The following MTHFD1L variants were observed in gnomAD, a reference collection of about 807,000 sequenced individuals.
MTHFD1L encodes methylenetetrahydrofolate dehydrogenase (NADP+ dependent) 1 like, also known as monofunctional C1-tetrahydrofolate synthase, mitochondrial.
Under a neutral mutation model 119.5 loss-of-function variants are expected in MTHFD1L, and 81 were observed. The ratio of observed to expected loss-of-function variants is 0.68; its 90% CI spans 0.57 to 0.82. The LOEUF (loss-of-function observed/expected upper bound fraction) is 0.82, where lower values mean the gene tolerates loss of function less well. Ranked by LOEUF, MTHFD1L falls within the 40% of genes least tolerant of loss-of-function variation. The pLI is 0.00. For synonymous variants in MTHFD1L, 430 were observed against 475.2 expected (o/e 0.90, Z 1.24); for missense variants, 1,125 against 1,253.4 (o/e 0.90, Z 1.55).
chr6:150,923,189 G>A (rs571086705), intron 10 of MTHFD1L, among the ~76,000 whole-genome samples: 2 of 152,232 alleles, frequency 1.3e-5, no homozygotes, highest in African/African-American at 4.8e-5. Flanking sequence ...GTCTGTGCTC[G>A]TCAAGGTGGA....
chr6:150,988,619 G>A (rs1778637729), intron 20 of MTHFD1L, among the ~76,000 whole-genome samples: 1 of 150,632 alleles, frequency 6.6e-6, no homozygotes, highest in Non-Finnish European at 1.5e-5. Flanking sequence ...GGGGGGGCGG[G>A]AGCGGGGATG....
intron 26 of MTHFD1L, chr6:151,042,019 T>C (rs1787209924): frequency 2.8e-6 from 1 of 361,044 alleles, no homozygotes. Flanking sequence ...AATTATTGCT[T>C]TAATTGGCAT....
At chr6:150,918,487 A>G (rs1233060656) in intron 8 of MTHFD1L, 90 bp from the exon 9 acceptor site, 2 of 913,314 alleles carry the variant, frequency 2.2e-6, no homozygotes, top group East Asian at 2.4e-5. Flanking sequence ...AAATGAGACC[A>G]CTATTCAGTG....
chr6:150,887,831 C>T lies in MTHFD1L; in HGVS notation c.644-14C>T. On this transcript the variant is annotated splice_polypyrimidine_tract_variant and intron_variant, in intron 6 of 27. Coordinates refer to ENST00000367321, the MANE Select transcript of MTHFD1L (RefSeq NM_015440.5). Reference sequence around the variant, plus strand: ...AGTTTTGAGTATAATATTGAATTTTCATTTGGTTAGTAGGTGTCAACCTAG... The same window carrying T: ...AGTTTTGAGTATAATATTGAATTTTTATTTGGTTAGTAGGTGTCAACCTAG... The T allele has an allele frequency of 6.4e-7, 1 of 1,568,358 alleles. No homozygotes were observed. The highest frequency in any genetic ancestry group is 8.6e-7 in the Non-Finnish European group (1 of 1,163,788).
chr6:151,005,562 T>A (rs915322075), intron 20 of MTHFD1L, among the ~76,000 whole-genome samples: 6 of 152,182 alleles, frequency 3.9e-5, no homozygotes, highest in Non-Finnish European at 8.8e-5. Context: ...TATTACTACT[T>A]TTTTGTTTCC....
chr6:150,866,619 T>G, intron 1 of MTHFD1L: 2 of 1,206,298 alleles, frequency 1.7e-6, no homozygotes, highest in East Asian at 3.4e-5. Context: ...ACGTCCGCTT[T>G]TCCCGGAACG....
chr6:150,964,084 G>A (rs192441405), intron 18 of MTHFD1L, among the ~76,000 whole-genome samples: 3 of 152,264 alleles, frequency 2.0e-5, no homozygotes, highest in East Asian at 1.9e-4. Flanking sequence ...CAGAAGAATC[G>A]CTTGAACCCT....
intron 7 of MTHFD1L, among the ~76,000 whole-genome samples, chr6:150,902,765 C>A (rs1045387149): frequency 6.6e-6 from 1 of 152,116 alleles, no homozygotes; most frequent in Admixed American, 6.6e-5. Flanking sequence ...ATGAAAAGAA[C>A]AGGTTGTATC....
chr6:150,886,712 G>A (rs763302541), intron 6 of MTHFD1L, among the ~76,000 whole-genome samples: 2 of 151,778 alleles, frequency 1.3e-5, no homozygotes, highest in Non-Finnish European at 2.9e-5. Flanking sequence ...TAATTGGGCC[G>A]GCACAGTAGC....
At chr6:150,919,008 G>T (rs941290639) in intron 9 of MTHFD1L, among the ~76,000 whole-genome samples, 3 of 151,864 alleles carry the variant, frequency 2.0e-5, no homozygotes, top group African/African-American at 7.3e-5. Flanking sequence ...CAGATTAGGT[G>T]GTATGTTAGT....
At chr6:150,877,734 T>C in intron 3 of MTHFD1L, 39 bp from the exon 4 acceptor site, 1 of 1,614,170 alleles carries the variant, frequency 6.2e-7, no homozygotes, top group South Asian at 1.1e-5. Flanking sequence ...AACAATACAT[T>C]CTCTTATAGT....
intron 16 of MTHFD1L, among the ~76,000 whole-genome samples, chr6:150,950,437 T>C (rs1323328356): frequency 6.6e-6 from 1 of 152,164 alleles, no homozygotes; most frequent in African/African-American, 2.4e-5. Context: ...CCACAAACCA[T>C]GAGGTAGAGA....
chr6:151,057,698 C>T (rs911648902), intron 26 of MTHFD1L, among the ~76,000 whole-genome samples: 12 of 152,280 alleles, frequency 7.9e-5, no homozygotes, highest in African/African-American at 1.9e-4. Flanking sequence ...CACACATATA[C>T]GATAAGATAG....
chr6:150,903,203 A>ATTTTTTTTTTTTTTTTTTTTTTTTTTT (rs774695918), intron 7 of MTHFD1L, among the ~76,000 whole-genome samples: 1 of 85,474 alleles, frequency 1.2e-5, no homozygotes, highest in African/African-American at 5.0e-5. Context: ...TGGCTGCAAA[A>ATTTTTTTTTTTTTTTTTTTTTTTTTTT]TTTTTTTTTT....
intron 19 of MTHFD1L, among the ~76,000 whole-genome samples, chr6:150,969,274 G>T (rs561845337): frequency 1.3e-5 from 2 of 152,330 alleles, no homozygotes; most frequent in African/African-American, 4.8e-5. Flanking sequence ...GAGCCACCGT[G>T]CCCGGCCTGA....
intron 24 of MTHFD1L, among the ~76,000 whole-genome samples, chr6:151,020,149 T>C (rs1038462606): frequency 2.0e-5 from 3 of 152,230 alleles, no homozygotes; most frequent in Non-Finnish European, 4.4e-5. Context: ...AGTACAAGAC[T>C]AATGGCATCT....
At chr6:150,869,671 A>G (rs974990548) in intron 1 of MTHFD1L, among the ~76,000 whole-genome samples, 1 of 151,140 alleles carries the variant, frequency 6.6e-6, no homozygotes, top group African/African-American at 2.4e-5. Flanking sequence ...TGTACCTTTC[A>G]ATTGAGTTAT....
At chr6:150,931,900 G>A (rs893552370) in intron 11 of MTHFD1L, among the ~76,000 whole-genome samples, 11 of 152,136 alleles carry the variant, frequency 7.2e-5, no homozygotes, top group African/African-American at 2.2e-4. Flanking sequence ...GGTGGCTCAC[G>A]CCTGTAATGC....
At chr6:150,868,000 A>G (rs1778724400) in intron 1 of MTHFD1L, among the ~76,000 whole-genome samples, 1 of 151,770 alleles carries the variant, frequency 6.6e-6, no homozygotes, top group Non-Finnish European at 1.5e-5. Context: ...ATGTCTCACC[A>G]TGTTGGCCAG....
Sources: gnomAD v4.1 joint callset for allele counts (sites outside exome capture counted in the v4.1 genomes callset) on GRCh38, gnomAD v4.1.1 for gene constraint, MANE v1.5 for transcripts, NCBI Gene and HGNC (gene_info 2026-07-23, HGNC 2026-07-21) for gene names.